Variants in CAMK1D observed in about 807,000 individuals in gnomAD.
The protein encoded by CAMK1D is calcium/calmodulin-dependent protein kinase type 1D.
In CAMK1D, 9 loss-of-function variants were observed where a neutral mutation model predicts 47.7. The ratio of observed to expected loss-of-function variants is 0.19; its 90% CI spans 0.11 to 0.33. The LOEUF (loss-of-function observed/expected upper bound fraction) is 0.33, where lower values mean the gene tolerates loss of function less well. Ranked by LOEUF, CAMK1D falls within the 10% of genes least tolerant of loss-of-function variation. The probability of loss-of-function intolerance (pLI) is 1.00; values close to 1 mark genes in which losing one functional copy is unlikely to be tolerated. For missense variants in CAMK1D, 291 were observed against 488.7 expected (o/e 0.60, Z 3.81); for synonymous variants, 184 against 184.9 (o/e 0.99, Z 0.04).
chr10:12,717,243 G>C (rs1034165710), intron 3 of CAMK1D, among the ~76,000 whole-genome samples: 1 of 152,096 alleles, frequency 6.6e-6, no homozygotes, highest in African/African-American at 2.4e-5. Context: ...CTTTCACAGT[G>C]AACTATAAGG....
intron 1 of CAMK1D, among the ~76,000 whole-genome samples, chr10:12,504,560 G>A (rs1157905048): frequency 6.6e-6 from 1 of 152,036 alleles, no homozygotes; most frequent in African/African-American, 2.4e-5. Context: ...CAATTCAAAC[G>A]GTCATCTCTT....
intron 3 of CAMK1D, among the ~76,000 whole-genome samples, chr10:12,691,772 A>G (rs928026144): frequency 2.0e-5 from 3 of 152,210 alleles, no homozygotes; most frequent in Admixed American, 6.5e-5. Flanking sequence ...AATATGCAGT[A>G]TATGTGGTGC....
At chr10:12,503,315 G>A (rs536366401) in intron 1 of CAMK1D, among the ~76,000 whole-genome samples, 2 of 152,304 alleles carry the variant, frequency 1.3e-5, no homozygotes, top group South Asian at 2.1e-4. Context: ...AGGTGGCTGC[G>A]TGTAGTGTAT....
Position 12,777,374 on chromosome 10 carries a change from T to TC in CAMK1D, c.565+7575_565+7576insC, listed in dbSNP as rs1250703105. 8.8e-3 allele frequency among the ~76,000 whole-genome samples: 1,269 copies of TC among 144,356 alleles called. 28 individuals are homozygous for TC. Among genetic ancestry groups the TC allele is most frequent in the African/African-American group, 0.031 (1,210 of 38,862 alleles). The allele number at this position is 144,356 out of a possible 152,430, so 94.7% of individuals were successfully genotyped here. ...AGGATTTGGTTGAACTTTTTTTTTT[T>TC]TTTTTTTTTTTTTTTGAGACGGAGT... On this transcript the variant is annotated intron_variant, in intron 5 of 10. Coordinates refer to ENST00000619168, the MANE Select transcript of CAMK1D (RefSeq NM_153498.4).
chr10:12,814,459 T>C (rs775951694), intron 7 of CAMK1D, 152 bp downstream of exon 7: 7 of 536,382 alleles, frequency 1.3e-5, no homozygotes, highest in Non-Finnish European at 2.0e-5. Flanking sequence ...TACCATAGAC[T>C]GGGTGGCTCA....
At chr10:12,376,483 C>T (rs1008145259) in intron 1 of CAMK1D, among the ~76,000 whole-genome samples, 3 of 152,176 alleles carry the variant, frequency 2.0e-5, no homozygotes, top group African/African-American at 7.2e-5. Context: ...GGAAACTCCA[C>T]CACCGGCCAG....
chr10:12,462,047 G>A (rs763697436), intron 1 of CAMK1D, among the ~76,000 whole-genome samples: 20 of 151,928 alleles, frequency 1.3e-4, no homozygotes, highest in South Asian at 1.0e-3. Context: ...GAATGAGTGC[G>A]TGCTCCTAAG....
chr10:12,795,490 G>A (rs1014594505), intron 6 of CAMK1D, among the ~76,000 whole-genome samples: 6 of 152,334 alleles, frequency 3.9e-5, no homozygotes, highest in African/African-American at 7.2e-5. Flanking sequence ...CTCCCCACAC[G>A]GAAGTCACGG....
chr10:12,724,850 A>T (rs116443619), intron 3 of CAMK1D, among the ~76,000 whole-genome samples: 2,395 of 151,786 alleles, frequency 0.016, 35 homozygotes, highest in African/African-American at 0.038. Flanking sequence ...GCTGCACTCC[A>T]GCCTGGGTGA....
intron 3 of CAMK1D, among the ~76,000 whole-genome samples, chr10:12,730,320 GC>G (rs1444112470): frequency 1.3e-5 from 2 of 152,302 alleles, no homozygotes; most frequent in East Asian, 3.9e-4. Context: ...TTTGCCCAAA[GC>G]ACCTGAAAGA....
chr10:12,802,273 G>A (rs948843483), intron 6 of CAMK1D, among the ~76,000 whole-genome samples: 28 of 152,282 alleles, frequency 1.8e-4, no homozygotes, highest in African/African-American at 6.3e-4. Flanking sequence ...GCAAGGTCTC[G>A]CCAGAGGGAA....
chr10:12,590,558 C>T (rs774273024), intron 2 of CAMK1D, among the ~76,000 whole-genome samples: 3 of 152,172 alleles, frequency 2.0e-5, no homozygotes, highest in Non-Finnish European at 4.4e-5. Flanking sequence ...TTTCCCTTAG[C>T]ACCTAGGAGA....
chr10:12,750,512 T>G (rs1265604505), intron 3 of CAMK1D, among the ~76,000 whole-genome samples: 1 of 152,096 alleles, frequency 6.6e-6, no homozygotes, highest in Non-Finnish European at 1.5e-5. Context: ...ATTCCCTGGG[T>G]GGGCTGGAGG....
chr10:12,681,761 A>G (rs891237653), intron 3 of CAMK1D, among the ~76,000 whole-genome samples: 7 of 152,278 alleles, frequency 4.6e-5, no homozygotes, highest in Non-Finnish European at 2.9e-5. Flanking sequence ...TGTTGGTTAA[A>G]AAACAGTTGG....
chr10:12,710,227 C>T (rs1287611986), intron 3 of CAMK1D, among the ~76,000 whole-genome samples: 2 of 152,144 alleles, frequency 1.3e-5, no homozygotes, highest in Non-Finnish European at 2.9e-5. Context: ...CACTTAGAAC[C>T]TAAAGTATAT....
intron 1 of CAMK1D, among the ~76,000 whole-genome samples, chr10:12,532,436 C>G (rs1384632290): frequency 6.6e-6 from 1 of 152,220 alleles, no homozygotes; most frequent in East Asian, 1.9e-4. Flanking sequence ...CCCGCCACTA[C>G]GCCTGGCTAA....
At chr10:12,434,943 C>T (rs1347457613) in intron 1 of CAMK1D, among the ~76,000 whole-genome samples, 2 of 150,846 alleles carry the variant, frequency 1.3e-5, no homozygotes, top group Non-Finnish European at 1.5e-5. Flanking sequence ...GAAGGCTGGG[C>T]GCAGTGGCTC....
chr10:12,780,913 C>T (rs1837463773), intron 5 of CAMK1D, among the ~76,000 whole-genome samples: 1 of 152,168 alleles, frequency 6.6e-6, no homozygotes, highest in South Asian at 2.1e-4. Flanking sequence ...AGCCAGACCC[C>T]CGGTGTTGGA....
In CAMK1D at chr10:12,436,416, G is replaced by T. The variant is rs562420692; in HGVS notation, c.92+86506G>T. 1.1e-4 allele frequency among the ~76,000 whole-genome samples: 16 copies of T among 152,322 alleles called. 1 individual carries two copies. The highest frequency in any genetic ancestry group is 3.6e-4 in the African/African-American group (15 of 41,572). ...TTGTCCAAGGAGAATGAAGAGCAGT[G>T]ACCGTCGAAGGAAATCTAGGAAGCT... is the stretch of plus-strand genomic sequence containing the variant. On this transcript the variant is annotated intron_variant, in intron 1 of 10. Transcript: ENST00000619168.
Sources: gnomAD v4.1 joint callset for allele counts (sites outside exome capture counted in the v4.1 genomes callset) on GRCh38, gnomAD v4.1.1 for gene constraint, MANE v1.5 for transcripts, NCBI Gene and HGNC (gene_info 2026-07-23, HGNC 2026-07-21) for gene names.